Variants in UPF1 observed in about 807,000 individuals in gnomAD.
UPF1 encodes UPF1 RNA helicase and ATPase, also known as regulator of nonsense transcripts 1.
A neutral mutation model predicts 129.2 loss-of-function variants in UPF1; 9 were observed. The ratio of observed to expected loss-of-function variants is 0.07; its 90% CI spans 0.04 to 0.12. The LOEUF (loss-of-function observed/expected upper bound fraction) is 0.12. Ranked by LOEUF, UPF1 falls within the 10% of genes least tolerant of loss-of-function variation. The probability of loss-of-function intolerance (pLI) is 1.00; values close to 1 mark genes in which losing one functional copy is unlikely to be tolerated. For synonymous variants in UPF1, 649 were observed against 644.9 expected, an observed-to-expected ratio of 1.01 and a Z score of -0.10; for missense variants, 788 against 1,525.3, an observed-to-expected ratio of 0.52 and a Z score of 8.05.
chr19:18,853,413 G>T lies in UPF1; in HGVS notation c.1156+63G>T. 6.8e-7 allele frequency: 1 copy of T among 1,477,894 alleles called. No homozygotes were observed. Among genetic ancestry groups the T allele is most frequent in the Non-Finnish European group, 9.1e-7 (1 of 1,094,608 alleles). 91.5% of individuals were successfully genotyped at this position (1,477,894 alleles called of 1,614,324 possible). Reference sequence around the variant, plus strand: ...GAGAGGAAAGTGGGGGCATCAGGTGGAGGCCACTGTGGATTTGATGCTCAC... The same window carrying T: ...GAGAGGAAAGTGGGGGCATCAGGTGTAGGCCACTGTGGATTTGATGCTCAC... On this transcript the variant is annotated intron_variant, in intron 8 of 23. Coordinates refer to ENST00000262803, the MANE Select transcript of UPF1 (RefSeq NM_002911.4). The surrounding 1 kb of genome is among the most constrained non-coding windows in gnomAD (Gnocchi z 4.4).
At chr19:18,839,262 T>G (rs2055516024) in intron 1 of UPF1, among the ~76,000 whole-genome samples, 1 of 152,102 alleles carries the variant, frequency 6.6e-6, no homozygotes, top group African/African-American at 2.4e-5. Context: ...CAACTAATTT[T>G]TTTGTATTTT....
At chr19:18,864,572 C>T (rs2055818254) in intron 20 of UPF1, among the ~76,000 whole-genome samples, 1 of 151,776 alleles carries the variant, frequency 6.6e-6, no homozygotes, top group Non-Finnish European at 1.5e-5. Flanking sequence ...TTGGTAAATG[C>T]AGGGTGATTT....
At position 18,854,665 on chromosome 19, in the gene UPF1, C is replaced by T. The variant is rs1309443509; in HGVS notation, c.1221C>T (p.His407=). Residue 407 remains histidine (H), a synonymous_variant, in exon 9 of 24, where the codon CAC becomes CAT. Coordinates refer to ENST00000262803, the MANE Select transcript of UPF1 (RefSeq NM_002911.4). ...SSVGAPVEVT[H]NFQVDFVWKS... Reference sequence around the variant, plus strand: ...TGGGTGCACCTGTGGAGGTGACTCACAACTTCCAGGTGGATTTTGTGTGGA... The same window carrying T: ...TGGGTGCACCTGTGGAGGTGACTCATAACTTCCAGGTGGATTTTGTGTGGA... The T allele has an allele frequency of 6.2e-7, 1 of 1,614,116 alleles. No homozygotes were observed. Among genetic ancestry groups the T allele is most frequent in the South Asian group, 1.1e-5 (1 of 91,088 alleles).
In UPF1 at chr19:18,851,060, C is replaced by T; in HGVS notation, c.810+192C>T. 6.8e-6 allele frequency: 4 copies of T among 585,578 alleles called. No individual in the cohort carries two copies. Among genetic ancestry groups the T allele is most frequent in the Non-Finnish European group, 1.1e-5 (4 of 367,126 alleles). 36.3% of individuals were successfully genotyped at this position (585,578 alleles called of 1,614,324 possible). Reference sequence around the variant, plus strand: ...TCACCTTCCATCCAGGCAGCCTTACCTGACCGAGAAGATCCTGGCCTTGGG... The same window carrying T: ...TCACCTTCCATCCAGGCAGCCTTACTTGACCGAGAAGATCCTGGCCTTGGG... On this transcript the variant is annotated intron_variant, in intron 5 of 23. Transcript: ENST00000262803. This position sits in a 1 kb window ranked among gnomAD's most constrained non-coding sequence, Gnocchi z 4.2.
intron 1 of UPF1, among the ~76,000 whole-genome samples, chr19:18,841,910 C>T (rs368713967): frequency 4.6e-5 from 7 of 152,228 alleles, no homozygotes; most frequent in South Asian, 4.1e-4. Context: ...TTGGGAAGAA[C>T]GAATGTGAGC....
In UPF1 at chr19:18,866,181, A is replaced by G; in HGVS notation, c.*3+15A>G. On this transcript the variant is annotated intron_variant, in intron 23 of 23. Transcript: ENST00000262803. ...AGTATTAAAAGGCAAGCCCCCCTGG[A>G]GCAGGCCTGGCCCCACCCCAGCCTC... The G allele has an allele frequency of 6.4e-7, 1 of 1,574,522 alleles. No homozygotes were observed. Among genetic ancestry groups the G allele is most frequent in the Non-Finnish European group, 8.6e-7 (1 of 1,159,630 alleles).
intron 1 of UPF1, among the ~76,000 whole-genome samples, chr19:18,840,299 C>G (rs1368506094): frequency 6.6e-6 from 1 of 152,178 alleles, no homozygotes; most frequent in African/African-American, 2.4e-5. Flanking sequence ...CGGCTGCCCC[C>G]TCCCAGTCCT....
In UPF1 at chr19:18,866,035, G is replaced by C. The variant is rs2055839858; in HGVS notation, c.3238-9G>C. On this transcript the variant is annotated splice_polypyrimidine_tract_variant and intron_variant, in intron 22 of 23. Transcript: ENST00000262803. ...TGTGGCTTGCTTACCTCCTGACCTTGTCTTTCAGGACAGTTACCTTGGTGA... is the reference window on the plus strand; with the variant it reads ...TGTGGCTTGCTTACCTCCTGACCTTCTCTTTCAGGACAGTTACCTTGGTGA... 1 of 1,613,394 alleles carries C rather than the reference G, an allele frequency of 6.2e-7. No homozygotes were observed. Among genetic ancestry groups the C allele is most frequent in the African/African-American group, 1.3e-5 (1 of 74,900 alleles).
At position 18,832,473 on chromosome 19, in the gene UPF1, GC is replaced by G; in HGVS notation, c.231+36del. ...GCACATGGCGGTGCCGGAAGCCCGG[GC>G]CCGGCCTCGGCGCCTGAGACCTGCC... On this transcript the variant is annotated intron_variant, in intron 1 of 23. Coordinates refer to ENST00000262803, the MANE Select transcript of UPF1 (RefSeq NM_002911.4). This position sits in a 1 kb window ranked among gnomAD's most constrained non-coding sequence, Gnocchi z 5.6. 1.0e-6 allele frequency: 1 copy of G among 997,740 alleles called. No individual in the cohort carries two copies. The highest frequency in any genetic ancestry group is 1.2e-6 in the Non-Finnish European group (1 of 837,842). 61.8% of individuals were successfully genotyped at this position (997,740 alleles called of 1,614,324 possible). A position where few individuals can be genotyped will look rare whatever the true frequency, so the allele number is the denominator to read the frequency against.
chr19:18,838,378 G>T (rs964653406), intron 1 of UPF1, among the ~76,000 whole-genome samples: 1 of 152,170 alleles, frequency 6.6e-6, no homozygotes, highest in Non-Finnish European at 1.5e-5. Context: ...GCCGGGCTTG[G>T]TGGCTCACGC....
rs1200702775 is a variant in UPF1 at position 18,832,943 on chromosome 19, G to C, written c.231+503G>C. 6.6e-6 allele frequency among the ~76,000 whole-genome samples: 1 copy of C among 151,838 alleles called. No individual in the cohort carries two copies. The highest frequency in any genetic ancestry group is 2.4e-5 in the African/African-American group (1 of 41,298). On this transcript the variant is annotated intron_variant, in intron 1 of 23. Transcript: ENST00000262803. The surrounding 1 kb of genome is among the most constrained non-coding windows in gnomAD (Gnocchi z 5.6). ...TTCGCAGGTCTCGGTATTCTGCCTC[G>C]AGTTCTCCTACGACCTGGGCCGGGT...
intron 1 of UPF1, among the ~76,000 whole-genome samples, chr19:18,834,228 G>A (rs2055459485): frequency 6.6e-6 from 1 of 152,182 alleles, no homozygotes; most frequent in Non-Finnish European, 1.5e-5. Context: ...CCAGCCTGTC[G>A]GGGAGACTCG....
intron 1 of UPF1, among the ~76,000 whole-genome samples, chr19:18,843,515 T>TTTG (rs1299074039): frequency 2.4e-5 from 2 of 85,060 alleles, no homozygotes; most frequent in African/African-American, 8.0e-5. Flanking sequence ...AGTGACTTTC[T>TTTG]TTGTTTTTTT....
chr19:18,852,514 A>G (rs902069840), intron 6 of UPF1, among the ~76,000 whole-genome samples: 1 of 152,166 alleles, frequency 6.6e-6, no homozygotes, highest in Admixed American at 6.5e-5. Flanking sequence ...TTCTGTTTAA[A>G]TCCAACACAT....
Position 18,851,941 on chromosome 19 carries a change from C to A in UPF1, c.811-194C>A. ...ATGGGCCAGGCCGGTGTGCAGCTCC[C>A]TGTGTGGCATGGAGTTCCCGTTCCC... On this transcript the variant is annotated intron_variant, in intron 5 of 23. Coordinates refer to ENST00000262803, the MANE Select transcript of UPF1 (RefSeq NM_002911.4). This position sits in a 1 kb window ranked among gnomAD's most constrained non-coding sequence, Gnocchi z 4.2. Among the ~76,000 whole-genome samples the A allele has an allele frequency of 6.6e-6, 1 of 152,222 alleles. No individual in the cohort carries two copies. Among genetic ancestry groups the A allele is most frequent in the Non-Finnish European group, 1.5e-5 (1 of 68,032 alleles).
intron 9 of UPF1, 26 bp downstream of exon 9, chr19:18,854,735 C>T (rs996127720): frequency 6.2e-7 from 1 of 1,610,496 alleles, no homozygotes; most frequent in Non-Finnish European, 8.5e-7. Flanking sequence ...TCACTGCCCC[C>T]TGTTCCCTGG....
At chr19:18,862,386 A>C (rs1376558423) in intron 18 of UPF1, among the ~76,000 whole-genome samples, 1 of 152,114 alleles carries the variant, frequency 6.6e-6, no homozygotes. Context: ...GTCTGATTCA[A>C]AATAAATCTT....
chr19:18,848,139 C>T (rs1601107007), intron 3 of UPF1: 9 of 327,538 alleles, frequency 2.7e-5, no homozygotes, highest in East Asian at 7.1e-5. Context: ...TCTTCATTAA[C>T]GGGAGGATGT....
At position 18,850,879 on chromosome 19, in the gene UPF1, C is replaced by T; in HGVS notation, c.810+11C>T. 1 of 1,558,152 alleles carries T rather than the reference C, an allele frequency of 6.4e-7. No homozygotes were observed. The highest frequency in any genetic ancestry group is 1.8e-4 in the Middle Eastern group (1 of 5,506). On this transcript the variant is annotated intron_variant, in intron 5 of 23. Transcript: ENST00000262803. This position sits in a 1 kb window ranked among gnomAD's most constrained non-coding sequence, Gnocchi z 7.1. ...GAGGAGCTGTGGAAGGTGGGGCTGC[C>T]CAGCGGGCCGACCCGTGCCTTCGTG... is the stretch of plus-strand genomic sequence containing the variant.
Sources: gnomAD v4.1 joint callset for allele counts (sites outside exome capture counted in the v4.1 genomes callset) on GRCh38, gnomAD v4.1.1 for gene constraint, Gnocchi (gnomAD v3.1) non-coding constraint, MANE v1.5 for transcripts, NCBI Gene and HGNC (gene_info 2026-07-23, HGNC 2026-07-21) for gene names.